SORCS1: variants seen among roughly 807,000 people sequenced by gnomAD.
SORCS1 encodes the protein sortilin related VPS10 domain containing receptor 1.
Under a neutral mutation model 146.1 loss-of-function variants are expected in SORCS1, and 60 were observed. That is an observed-to-expected ratio of 0.41 (90% CI 0.33 to 0.51). The LOEUF is 0.51. Among genes scored for constraint, SORCS1 ranks in the 20% least tolerant of loss-of-function variants. SORCS1 has a pLI of 0.21. For missense variants in SORCS1, 1,352 were observed against 1,487.6 expected (o/e 0.91, Z 1.50); for synonymous variants, 637 against 584.0 (o/e 1.09, Z -1.31).
At chr10:107,156,568 T>C (rs1969297413) in intron 1 of SORCS1, among the ~76,000 whole-genome samples, 1 of 152,354 alleles carries the variant, frequency 6.6e-6, no homozygotes, top group South Asian at 2.1e-4. Flanking sequence ...AACTTTCCTT[T>C]GCTCTCTTCT....
chr10:106,789,906 C>G (rs1198065577), intron 3 of SORCS1, among the ~76,000 whole-genome samples: 2 of 152,168 alleles, frequency 1.3e-5, no homozygotes, highest in Non-Finnish European at 2.9e-5. Context: ...AGGAAACTGA[C>G]AATCATGGCA....
At chr10:107,146,867 C>T (rs1225951090) in intron 1 of SORCS1, among the ~76,000 whole-genome samples, 1 of 152,088 alleles carries the variant, frequency 6.6e-6, no homozygotes, top group Admixed American at 6.5e-5. Context: ...TGACTACTTC[C>T]TATTGTACTG....
chr10:106,776,667 A>G lies in SORCS1; in HGVS notation c.752T>C (p.Ile251Thr), dbSNP rs762583882. 17 of 1,613,744 alleles carry G rather than the reference A, an allele frequency of 1.1e-5. No individual in the cohort carries two copies. The highest frequency in any genetic ancestry group is 5.0e-5 in the Admixed American group (3 of 59,992). Residue 251 changes from isoleucine (I) to threonine (T), a missense_variant, in exon 4 of 26, where the codon ATT becomes ACT. Transcript: ENST00000263054. The stretch of plus-strand genomic sequence containing the variant: ...TGAGCTGATCAATAAACTGCTCTCA[A>G]TCTCCGGGTCTGTGAGTAACATTAT... ...RKIMLLTDPEIESSLLISSDE... is the reference protein window; with the variant it reads ...RKIMLLTDPETESSLLISSDE...
At chr10:106,953,313 C>T (rs1954788968) in intron 2 of SORCS1, among the ~76,000 whole-genome samples, 1 of 151,920 alleles carries the variant, frequency 6.6e-6, no homozygotes, top group Non-Finnish European at 1.5e-5. Context: ...GACTTACTGA[C>T]CTTCTCCTTG....
chr10:106,730,190 C>G, intron 5 of SORCS1, 76 bp from the exon 6 acceptor site: 2 of 1,361,374 alleles, frequency 1.5e-6, no homozygotes, highest in Non-Finnish European at 2.1e-6. Context: ...CTCGGCAGAG[C>G]CCCCAGACTA....
intron 1 of SORCS1, among the ~76,000 whole-genome samples, chr10:107,155,625 T>C (rs1240848160): frequency 6.6e-6 from 1 of 152,148 alleles, no homozygotes; most frequent in Non-Finnish European, 1.5e-5. Context: ...TAATCAAGAA[T>C]GTACAGTGGG....
chr10:106,894,766 T>C (rs913998492), intron 2 of SORCS1, among the ~76,000 whole-genome samples: 2 of 152,198 alleles, frequency 1.3e-5, no homozygotes, highest in African/African-American at 4.8e-5. Flanking sequence ...AGACTTGTTA[T>C]TTTATCACAT....
At chr10:106,649,592 C>T (rs907458741) in intron 18 of SORCS1, among the ~76,000 whole-genome samples, 6 of 152,078 alleles carry the variant, frequency 3.9e-5, no homozygotes. Flanking sequence ...TTTCTTTGCA[C>T]ATATTCTTCT....
intron 1 of SORCS1, among the ~76,000 whole-genome samples, chr10:106,981,388 G>C (rs1307700941): frequency 6.6e-6 from 1 of 152,092 alleles, no homozygotes; most frequent in Non-Finnish European, 1.5e-5. Context: ...CTTTTTTGAG[G>C]TTAAAAACTT....
chr10:107,061,926 A>G (rs990513303), intron 1 of SORCS1, among the ~76,000 whole-genome samples: 3 of 152,208 alleles, frequency 2.0e-5, no homozygotes, highest in Non-Finnish European at 4.4e-5. Flanking sequence ...ATCTGAGCGG[A>G]CATATTGGTA....
intron 3 of SORCS1, among the ~76,000 whole-genome samples, chr10:106,799,037 G>C (rs1345457355): frequency 6.6e-6 from 1 of 152,132 alleles, no homozygotes; most frequent in African/African-American, 2.4e-5. Flanking sequence ...CAGAGATATA[G>C]ATCAACGGAA....
intron 1 of SORCS1, among the ~76,000 whole-genome samples, chr10:107,125,779 T>A (rs529790089): frequency 1.3e-5 from 2 of 152,332 alleles, no homozygotes; most frequent in South Asian, 4.1e-4. Context: ...CCTCTGCTAC[T>A]AATAACTGAA....
chr10:106,645,297 T>G (rs181378960), intron 18 of SORCS1, among the ~76,000 whole-genome samples: 1 of 152,208 alleles, frequency 6.6e-6, no homozygotes, highest in East Asian at 1.9e-4. Flanking sequence ...GCTTCCCAAG[T>G]AGCTGGGACT....
Position 106,960,407 on chromosome 10 carries a change from T to C in SORCS1, c.559-3827A>G, listed in dbSNP as rs983411360. On this transcript the variant is annotated intron_variant, in intron 1 of 25. Transcript: ENST00000263054. This position sits in a 1 kb window ranked among gnomAD's most constrained non-coding sequence, Gnocchi z 4.4. ...TGGTCCATACGTTTTCTCTTTTTCT[T>C]TTTCTTTTTTTTTTTTGAGATGGAA... is the stretch of plus-strand genomic sequence containing the variant. Among the ~76,000 whole-genome samples, 1 of 148,088 alleles carries C rather than the reference T, an allele frequency of 6.8e-6. No homozygotes were observed. Among genetic ancestry groups the C allele is most frequent in the African/African-American group, 2.6e-5 (1 of 37,962 alleles).
At chr10:106,659,337 T>G (rs1339946443) in intron 17 of SORCS1, among the ~76,000 whole-genome samples, 1 of 152,184 alleles carries the variant, frequency 6.6e-6, no homozygotes, top group Non-Finnish European at 1.5e-5. Flanking sequence ...TGACTTCATT[T>G]TGAACATGAG....
chr10:106,657,822 T>G (rs1226181367), intron 17 of SORCS1, among the ~76,000 whole-genome samples: 1 of 151,872 alleles, frequency 6.6e-6, no homozygotes, highest in Non-Finnish European at 1.5e-5. Flanking sequence ...CTCTCTCAAA[T>G]CTTTGATTCT....
At chr10:106,716,502 C>G (rs868570574) in intron 6 of SORCS1, among the ~76,000 whole-genome samples, 2 of 152,158 alleles carry the variant, frequency 1.3e-5, no homozygotes, top group African/African-American at 4.8e-5. Flanking sequence ...CCCACTGCTG[C>G]CAAAACAAAA....
intron 1 of SORCS1, among the ~76,000 whole-genome samples, chr10:107,023,134 T>C (rs553913239): frequency 6.6e-6 from 1 of 152,310 alleles, no homozygotes; most frequent in Non-Finnish European, 1.5e-5. Context: ...TGCATGTAAA[T>C]TGCTGAGTCC....
At chr10:106,992,071 A>T (rs554640983) in intron 1 of SORCS1, among the ~76,000 whole-genome samples, 25 of 152,334 alleles carry the variant, frequency 1.6e-4, no homozygotes, top group African/African-American at 5.5e-4. Context: ...GAAGAGAGAT[A>T]TAGAAAATAA....
Sources: allele counts gnomAD v4.1 joint callset (sites outside exome capture counted in the v4.1 genomes callset), GRCh38; gene constraint gnomAD v4.1.1; non-coding constraint Gnocchi (gnomAD v3.1); transcripts MANE v1.5; gene names NCBI Gene and HGNC (gene_info 2026-07-23, HGNC 2026-07-21).